TXNDC11: variants seen among roughly 807,000 people sequenced by gnomAD.
The protein encoded by TXNDC11 is thioredoxin domain-containing protein 11.
Under a neutral mutation model 78.0 loss-of-function variants are expected in TXNDC11, and 68 were observed. The ratio of observed to expected loss-of-function variants is 0.87; its 90% CI spans 0.72 to 1.07. TXNDC11 has a LOEUF of 1.07. Ranked by LOEUF, TXNDC11 falls within the 50% of genes least tolerant of loss-of-function variation. The pLI is 0.00. For synonymous variants in TXNDC11, 571 were observed against 495.2 expected (o/e 1.15, Z -2.03); for missense variants, 1,389 against 1,221.8 (o/e 1.14, Z -2.04).
chr16:11,708,574 C>G (rs1203869039), intron 5 of TXNDC11, among the ~76,000 whole-genome samples: 1 of 152,190 alleles, frequency 6.6e-6, no homozygotes, highest in Admixed American at 6.5e-5. Context: ...ATGAGCTCAT[C>G]TCTAAGGCAT....
chr16:11,723,819 A>G (rs914515809), intron 4 of TXNDC11, among the ~76,000 whole-genome samples: 3 of 152,138 alleles, frequency 2.0e-5, no homozygotes, highest in African/African-American at 7.2e-5. Flanking sequence ...ATTTAAAACA[A>G]TTTTGTTACC....
intron 1 of TXNDC11, among the ~76,000 whole-genome samples, chr16:11,738,743 C>T (rs2052303056): frequency 6.6e-6 from 1 of 152,094 alleles, no homozygotes; most frequent in African/African-American, 2.4e-5. Context: ...TCAAACTGCA[C>T]ATGGCCAAGA....
At chr16:11,697,991 A>T in intron 7 of TXNDC11, 134 bp downstream of exon 7, 1 of 822,402 alleles carries the variant, frequency 1.2e-6, no homozygotes, top group Non-Finnish European at 2.0e-6. Context: ...GCAAAGAGCA[A>T]TGCTCAGAGC....
intron 5 of TXNDC11, among the ~76,000 whole-genome samples, chr16:11,717,886 C>G (rs2051588875): frequency 6.6e-6 from 1 of 151,644 alleles, no homozygotes; most frequent in African/African-American, 2.4e-5. Flanking sequence ...CTGTCCACAA[C>G]ACCTTAACAG....
intron 10 of TXNDC11, among the ~76,000 whole-genome samples, chr16:11,687,220 C>G (rs764541985): frequency 3.3e-5 from 5 of 152,072 alleles, no homozygotes; most frequent in Non-Finnish European, 7.4e-5. Context: ...ATCAGCAAAT[C>G]CTATTTTTTG....
chr16:11,732,543 A>C (rs1170634419), intron 3 of TXNDC11, among the ~76,000 whole-genome samples: 1 of 152,240 alleles, frequency 6.6e-6, no homozygotes, highest in Non-Finnish European at 1.5e-5. Flanking sequence ...ATGTAAAGGC[A>C]GAACCTCCAA....
Position 11,688,319 on chromosome 16 carries a change from A to G in TXNDC11, c.2027T>C (p.Val676Ala). 1 of 1,613,908 alleles carries G rather than the reference A, an allele frequency of 6.2e-7. No individual in the cohort carries two copies. The highest frequency in any genetic ancestry group is 8.5e-7 in the Non-Finnish European group (1 of 1,179,948). Residue 676 changes from valine (V) to alanine (A), a missense_variant, in exon 9 of 12, where the codon GTA (valine) becomes GCA (alanine). Coordinates refer to ENST00000283033, the MANE Select transcript of TXNDC11 (RefSeq NM_015914.7). ...TEVTTDTFWE[V>A]VLQKQDVLLL... ...ACTCCATACCTGTTTTTGAAGGACT[A>G]CTTCCCAAAAGGTATCAGTTGTCAC...
At chr16:11,740,376 T>C (rs755199499) in intron 1 of TXNDC11, among the ~76,000 whole-genome samples, 25 of 152,274 alleles carry the variant, frequency 1.6e-4, no homozygotes, top group Non-Finnish European at 3.2e-4. Flanking sequence ...CAGCAGCCAT[T>C]TACTGGTTCA....
intron 4 of TXNDC11, among the ~76,000 whole-genome samples, chr16:11,723,156 G>A (rs1349967695): frequency 6.6e-6 from 1 of 151,980 alleles, no homozygotes; most frequent in Non-Finnish European, 1.5e-5. Context: ...TACTCGGAAA[G>A]CTGAGGCAAG....
In TXNDC11 at chr16:11,688,293, G is replaced by T; in HGVS notation, c.2043+10C>A. 6.2e-7 allele frequency: 1 copy of T among 1,609,732 alleles called. No homozygotes were observed. The highest frequency in any genetic ancestry group is 1.1e-5 in the South Asian group (1 of 90,572). On this transcript the variant is annotated intron_variant, in intron 9 of 11. Transcript: ENST00000283033. The stretch of plus-strand genomic sequence containing the variant: ...AGATGGCTTAACTTTTGCCTCTCAT[G>T]ACTCCATACCTGTTTTTGAAGGACT...
chr16:11,697,665 C>T (rs952454150), intron 7 of TXNDC11, among the ~76,000 whole-genome samples: 1 of 152,234 alleles, frequency 6.6e-6, no homozygotes, highest in Admixed American at 6.5e-5. Context: ...AACATCGCTG[C>T]TGCTGCTCGC....
intron 9 of TXNDC11, 136 bp downstream of exon 9, chr16:11,688,167 T>C: frequency 9.7e-7 from 1 of 1,030,618 alleles, no homozygotes; most frequent in East Asian, 2.4e-5. Context: ...ATGTAATTCA[T>C]TCACGGTCCA....
At position 11,700,391 on chromosome 16, in the gene TXNDC11, T is replaced by C. The variant is rs1379433239; in HGVS notation, c.906+61A>G. On this transcript the variant is annotated intron_variant, in intron 6 of 11. Coordinates refer to ENST00000283033, the MANE Select transcript of TXNDC11 (RefSeq NM_015914.7). ...ATTTTAACCAATTCTCAAAGGAGTC[T>C]GTGACCTAAACAAGGTTAAGAACCA... 1.2e-5 allele frequency: 9 copies of C among 758,626 alleles called. No individual in the cohort carries two copies. In the South Asian group the frequency reaches 1.7e-4, roughly 14 times the overall value. 47.0% of individuals were successfully genotyped at this position (758,626 alleles called of 1,614,324 possible).
At chr16:11,695,756 G>A (rs1034255283) in intron 7 of TXNDC11, among the ~76,000 whole-genome samples, 7 of 152,182 alleles carry the variant, frequency 4.6e-5, no homozygotes, top group African/African-American at 1.7e-4. Flanking sequence ...GTATGGGCCA[G>A]GTGCAGTGGC....
chr16:11,735,456 T>G (rs1038665225), intron 2 of TXNDC11, among the ~76,000 whole-genome samples: 2 of 152,184 alleles, frequency 1.3e-5, no homozygotes, highest in Non-Finnish European at 2.9e-5. Flanking sequence ...GAATTCCTTT[T>G]TAGGAAGAAA....
In TXNDC11 at chr16:11,679,652, A is replaced by G; in HGVS notation, c.2420T>C (p.Ile807Thr). 1 of 1,614,042 alleles carries G rather than the reference A, an allele frequency of 6.2e-7. No individual in the cohort carries two copies. Among genetic ancestry groups the G allele is most frequent in the Non-Finnish European group, 8.5e-7 (1 of 1,180,010 alleles). ...RGHISHLERE[I>T]QKLRAEISSL... ...GCTTATTTCTGCTCTCAGTTTCTGG[A>G]TCTCTCTCTCCAAGTGGGAGATGTG... is the stretch of plus-strand genomic sequence containing the variant. Residue 807 changes from isoleucine to threonine, a missense_variant, in exon 12 of 12, where the codon ATC becomes ACC. By Grantham distance (89) the Ile-to-Thr change is moderately conservative. Transcript: ENST00000283033. This position sits in a 1 kb window ranked among gnomAD's most constrained non-coding sequence, Gnocchi z 4.6.
At chr16:11,723,033 G>A (rs2051757965) in intron 4 of TXNDC11, among the ~76,000 whole-genome samples, 1 of 152,116 alleles carries the variant, frequency 6.6e-6, no homozygotes, top group African/African-American at 2.4e-5. Flanking sequence ...TAAGAGGGAG[G>A]ATCATTTGAG....
intron 1 of TXNDC11, among the ~76,000 whole-genome samples, chr16:11,741,715 G>C (rs951857821): frequency 6.6e-6 from 1 of 152,156 alleles, no homozygotes; most frequent in Non-Finnish European, 1.5e-5. Flanking sequence ...ACGAGCGTCC[G>C]GCACATAGTA....
chr16:11,724,667 CCTCT>C (rs772417812), intron 4 of TXNDC11, among the ~76,000 whole-genome samples: 31 of 152,240 alleles, frequency 2.0e-4, no homozygotes, highest in Admixed American at 5.9e-4. Flanking sequence ...ACTTCATTTT[CCTCT>C]CTCTATTTAA....
Sources: allele counts gnomAD v4.1 joint callset (sites outside exome capture counted in the v4.1 genomes callset), GRCh38; gene constraint gnomAD v4.1.1; non-coding constraint Gnocchi (gnomAD v3.1); transcripts MANE v1.5; gene names NCBI Gene and HGNC (gene_info 2026-07-23, HGNC 2026-07-21).